The following TRHDE variants were observed in gnomAD, a reference collection of about 807,000 sequenced individuals.
TRHDE encodes thyrotropin-releasing hormone-degrading ectoenzyme.
In TRHDE, 72 loss-of-function variants were observed where a neutral mutation model predicts 125.7. The ratio of observed to expected loss-of-function variants is 0.57; its 90% CI spans 0.47 to 0.70. TRHDE has a LOEUF of 0.70. Among genes scored for constraint, TRHDE ranks in the 30% least tolerant of loss-of-function variants. The pLI, the probability that TRHDE is intolerant of heterozygous loss-of-function variation, is 0.00. For missense variants in TRHDE, 1,110 were observed against 1,327.1 expected (o/e 0.84, Z 2.54); for synonymous variants, 509 against 509.1 (o/e 1.00, Z 0.00).
At chr12:72,518,859 A>C (rs1296319751) in intron 6 of TRHDE, among the ~76,000 whole-genome samples, 2 of 152,132 alleles carry the variant, frequency 1.3e-5, no homozygotes, top group African/African-American at 2.4e-5. Flanking sequence ...AGAATCTCTC[A>C]GCATTTGCTT....
intron 2 of TRHDE, among the ~76,000 whole-genome samples, chr12:72,126,197 G>GAAAGAAATC (rs1432600936): frequency 1.3e-5 from 2 of 152,160 alleles, no homozygotes; most frequent in Non-Finnish European, 2.9e-5. Flanking sequence ...AAACACTGCT[G>GAAAGAAATC]AAAGAAATCA....
At chr12:72,630,019 G>GTA (rs1276107499) in intron 15 of TRHDE, among the ~76,000 whole-genome samples, 7 of 149,958 alleles carry the variant, frequency 4.7e-5, no homozygotes, top group Non-Finnish European at 8.9e-5. Flanking sequence ...TTCATTTTAT[G>GTA]TATATATAAT....
intron 2 of TRHDE, among the ~76,000 whole-genome samples, chr12:72,339,108 C>T (rs949521530): frequency 5.3e-5 from 8 of 152,074 alleles, no homozygotes; most frequent in Admixed American, 1.3e-4. Flanking sequence ...ATTTCCAGCA[C>T]GGTGGAGCAA....
At chr12:72,396,088 A>G (rs10748194) in intron 3 of TRHDE, among the ~76,000 whole-genome samples, 151,983 of 152,258 alleles carry the variant, frequency 1, 75,855 homozygotes, top group Non-Finnish European at 1. Flanking sequence ...TGTCCTCTGG[A>G]TGCTTTTAAA....
chr12:72,153,285 C>A (rs1876415772), intron 2 of TRHDE, among the ~76,000 whole-genome samples: 1 of 152,120 alleles, frequency 6.6e-6, no homozygotes, highest in Non-Finnish European at 1.5e-5. Context: ...ATTCTTCTCT[C>A]TTTTCTTCTT....
chr12:72,541,083 G>A (rs1476009920), intron 6 of TRHDE, among the ~76,000 whole-genome samples: 2 of 151,470 alleles, frequency 1.3e-5, no homozygotes, highest in African/African-American at 2.4e-5. Context: ...CCAGTCCCTG[G>A]CTGAATGATT....
At chr12:72,154,870 T>C (rs1341379335) in intron 2 of TRHDE, among the ~76,000 whole-genome samples, 1 of 152,216 alleles carries the variant, frequency 6.6e-6, no homozygotes, top group Admixed American at 6.5e-5. Flanking sequence ...CAATTATGTG[T>C]CTTGGAGTTG....
In TRHDE at chr12:72,530,030, T is replaced by A. The variant is rs139198851; in HGVS notation, c.1723-12261T>A. Among the ~76,000 whole-genome samples, 932 of 152,328 alleles carry A rather than the reference T, an allele frequency of 6.1e-3. 4 individuals carry two copies. The highest frequency in any genetic ancestry group is 0.024 in the South Asian group (116 of 4,826). ...CCACTCTGTACCGGACTCCATCCTCTTGTCTACTCTAGGATGTTGGTCACG... is the reference window on the plus strand; with the variant it reads ...CCACTCTGTACCGGACTCCATCCTCATGTCTACTCTAGGATGTTGGTCACG... On this transcript the variant is annotated intron_variant, in intron 6 of 18. Transcript: ENST00000261180.
intron 2 of TRHDE, among the ~76,000 whole-genome samples, chr12:72,330,839 G>T (rs978608411): frequency 2.0e-5 from 3 of 152,036 alleles, no homozygotes; most frequent in Admixed American, 6.6e-5. Context: ...TTAGAACAGC[G>T]CTTCTCAAAC....
At position 72,253,270 on chromosome 12, in the gene TRHDE, C is replaced by T. The variant is rs138939824; in HGVS notation, n.280-124725C>T. ...CTCGGAATTTTATTTTTGTATAATCCATGGGTTTACTAAATAGACAATCAT... is the reference window on the plus strand; with the variant it reads ...CTCGGAATTTTATTTTTGTATAATCTATGGGTTTACTAAATAGACAATCAT... On this transcript the variant is annotated intron_variant and non_coding_transcript_variant, in intron 2 of 4. Transcript: ENST00000548156. Among the ~76,000 whole-genome samples the T allele has an allele frequency of 4.3e-4, 66 of 151,996 alleles. 2 individuals are homozygous for T. The East Asian group carries it at 0.01, about 23-fold the overall frequency.
rs560048413 is a variant in TRHDE at position 72,117,929 on chromosome 12, G to T, written n.279+12177G>T. On this transcript the variant is annotated intron_variant and non_coding_transcript_variant, in intron 2 of 4. Transcript: ENST00000548156. ...CTTTAGTACGTTGATTTTGTACCCT[G>T]CAACTTTACTGCATTTTTTTTTCAG... Among the ~76,000 whole-genome samples, 7 of 150,566 alleles carry T rather than the reference G, an allele frequency of 4.6e-5. No individual in the cohort carries two copies. In the South Asian group the frequency reaches 1.3e-3, roughly 27 times the overall value.
intron 2 of TRHDE, among the ~76,000 whole-genome samples, chr12:72,343,613 A>T (rs979362069): frequency 1.3e-5 from 2 of 152,232 alleles, no homozygotes; most frequent in African/African-American, 4.8e-5. Flanking sequence ...CCTGTTTATT[A>T]TGCCAATTGT....
chr12:72,284,059 C>T (rs1176529146), intron 1 of TRHDE, among the ~76,000 whole-genome samples: 1 of 151,906 alleles, frequency 6.6e-6, no homozygotes, highest in African/African-American at 2.4e-5. Flanking sequence ...TGTTACAAAA[C>T]CCAAAACTTT....
At chr12:72,423,518 A>G (rs918593129) in intron 3 of TRHDE, among the ~76,000 whole-genome samples, 2 of 152,272 alleles carry the variant, frequency 1.3e-5, no homozygotes, top group East Asian at 1.9e-4. Context: ...TTAACAGACA[A>G]CAAAGTGATT....
At chr12:72,378,271 G>A (rs1363115600) in intron 3 of TRHDE, 150 bp downstream of exon 3, 6 of 702,798 alleles carry the variant, frequency 8.5e-6, no homozygotes, top group Non-Finnish European at 1.3e-5. Flanking sequence ...CTTTTGAAGA[G>A]GTAAAATAAG....
intron 2 of TRHDE, among the ~76,000 whole-genome samples, chr12:72,288,160 T>C (rs1285206697): frequency 6.6e-6 from 1 of 152,152 alleles, no homozygotes; most frequent in Non-Finnish European, 1.5e-5. Context: ...GTGATTCTTC[T>C]CATCCAGTAA....
At chr12:72,371,940 A>G (rs1019135534) in intron 2 of TRHDE, among the ~76,000 whole-genome samples, 1 of 152,120 alleles carries the variant, frequency 6.6e-6, no homozygotes, top group Non-Finnish European at 1.5e-5. Flanking sequence ...TGGTATTTCT[A>G]GTTCTAGATA....
intron 3 of TRHDE, among the ~76,000 whole-genome samples, chr12:72,383,578 T>G (rs1872281724): frequency 6.6e-6 from 1 of 152,056 alleles, no homozygotes; most frequent in Admixed American, 6.6e-5. Context: ...GGTTTCACTA[T>G]GTTGGTCAGA....
At chr12:72,571,147 A>G (rs910919670) in intron 10 of TRHDE, among the ~76,000 whole-genome samples, 1 of 152,178 alleles carries the variant, frequency 6.6e-6, no homozygotes, top group African/African-American at 2.4e-5. Flanking sequence ...CAGCAAACAA[A>G]AATTAGGAAA....
Sources: allele counts gnomAD v4.1 joint callset (sites outside exome capture counted in the v4.1 genomes callset), GRCh38; gene constraint gnomAD v4.1.1; transcripts MANE v1.5; gene names NCBI Gene and HGNC (gene_info 2026-07-23, HGNC 2026-07-21).